RABEPK: variants seen among roughly 807,000 people sequenced by gnomAD.
RABEPK encodes the protein Rab9 effector protein with kelch motifs, also known as 40 kDa Rab9 effector protein.
Under a neutral mutation model 34.1 loss-of-function variants are expected in RABEPK, and 27 were observed. That is an observed-to-expected ratio of 0.79 (90% CI 0.58 to 1.09). RABEPK has a LOEUF of 1.09. Among genes scored for constraint, RABEPK ranks in the 50% least tolerant of loss-of-function variants. The pLI, the probability that RABEPK is intolerant of heterozygous loss-of-function variation, is 0.00. For synonymous variants in RABEPK, 172 were observed against 169.2 expected (o/e 1.02, Z -0.13); for missense variants, 449 against 462.6 (o/e 0.97, Z 0.27).
intron 5 of RABEPK, among the ~76,000 whole-genome samples, chr9:125,226,372 C>T (rs1831749485): frequency 6.7e-6 from 1 of 149,658 alleles, no homozygotes; most frequent in African/African-American, 2.4e-5. Context: ...AGACAAGTAA[C>T]TTGTCCAAAT....
In RABEPK at chr9:125,233,705, T is replaced by G. The variant is rs755407236; in HGVS notation, c.844T>G (p.Leu282Val). 1.4e-5 allele frequency: 22 copies of G among 1,613,736 alleles called. No individual in the cohort carries two copies. The highest frequency in any genetic ancestry group is 2.5e-6 in the Non-Finnish European group (3 of 1,179,834). Residue 282 changes from leucine to valine, a missense_variant, in exon 8 of 8, where the codon TTG (leucine) becomes GTG (valine). Transcript: ENST00000373538. Reference sequence around the variant, plus strand: ...CAACATAGAAGAGCAGCATTGGACCTTGCTTAAATTTGATACTCTTCTACC... The same window carrying G: ...CAACATAGAAGAGCAGCATTGGACCGTGCTTAAATTTGATACTCTTCTACC... The part of the protein sequence containing the change: ...QYHTEEQHWT[L>V]LKFDTLLPPG...
chr9:125,219,548 G>A (rs1446718059), intron 4 of RABEPK, among the ~76,000 whole-genome samples: 2 of 150,654 alleles, frequency 1.3e-5, no homozygotes, highest in African/African-American at 2.4e-5. Context: ...TCCCCACCAC[G>A]ACACCTGGCT....
At chr9:125,229,271 AAG>A (rs1401758100) in intron 6 of RABEPK, among the ~76,000 whole-genome samples, 1 of 151,002 alleles carries the variant, frequency 6.6e-6, no homozygotes, top group East Asian at 2.1e-4. Context: ...AAAAGAAAAA[AAG>A]AAAAAAAAAA....
Position 125,220,706 on chromosome 9 carries a change from G to A in RABEPK, c.526+6G>A, listed in dbSNP as rs766860211. Reference sequence around the variant, plus strand: ...GCTGCATGTGTTTGACGCAAGTATGGACTGGTGGGCACCTTGGGGCTGGTC... The same window carrying A: ...GCTGCATGTGTTTGACGCAAGTATGAACTGGTGGGCACCTTGGGGCTGGTC... On this transcript the variant is annotated splice_donor_region_variant and intron_variant, in intron 5 of 7. Coordinates refer to ENST00000373538, the MANE Select transcript of RABEPK (RefSeq NM_005833.4). 6 of 1,613,554 alleles carry A rather than the reference G, an allele frequency of 3.7e-6. No individual in the cohort carries two copies. The highest frequency in any genetic ancestry group is 4.2e-6 in the Non-Finnish European group (5 of 1,179,672).
At chr9:125,212,468 C>T (rs1435640188) in intron 3 of RABEPK, among the ~76,000 whole-genome samples, 1 of 152,064 alleles carries the variant, frequency 6.6e-6, no homozygotes, top group African/African-American at 2.4e-5. Context: ...ATCCGCCCAC[C>T]TCGGCCTCCC....
chr9:125,220,790 CCTGA>C (rs1299486821), intron 5 of RABEPK, 90 bp downstream of exon 5: 16 of 1,409,766 alleles, frequency 1.1e-5, no homozygotes, highest in African/African-American at 8.7e-5. Flanking sequence ...AAAAGGAAAG[CCTGA>C]CTAAGTGTCT....
chr9:125,202,565 C>T (rs1248967845), intron 1 of RABEPK, among the ~76,000 whole-genome samples: 2 of 151,832 alleles, frequency 1.3e-5, no homozygotes, highest in Non-Finnish European at 2.9e-5. Context: ...CACGGTGGCT[C>T]ACACCTGTAA....
intron 4 of RABEPK, among the ~76,000 whole-genome samples, chr9:125,215,637 T>C (rs1039952936): frequency 3.3e-5 from 5 of 152,060 alleles, no homozygotes; most frequent in Non-Finnish European, 5.9e-5. Context: ...GGCTGTATCA[T>C]ACTCCATTAT....
At position 125,232,675 on chromosome 9, in the gene RABEPK, A is replaced by G; in HGVS notation, c.756A>G (p.Gly252=). The change falls in exon 7 of 8, where the codon GGA becomes GGG. Residue 252 remains glycine (G), a synonymous_variant. Coordinates refer to ENST00000373538, the MANE Select transcript of RABEPK (RefSeq NM_005833.4). The stretch of plus-strand genomic sequence containing the variant: ...CTGCCCACTCAGCTGTGGCCATGGG[A>G]AAACATGTGTACATCTTTGGTGGAA... ...GCAAHSAVAM[G]KHVYIFGGMT... The G allele has an allele frequency of 6.2e-7, 1 of 1,614,130 alleles. No individual in the cohort carries two copies.
At chr9:125,221,259 C>T (rs188478788) in intron 5 of RABEPK, 2 of 151,984 alleles carry the variant, frequency 1.3e-5, no homozygotes, top group Admixed American at 6.6e-5. Flanking sequence ...CACTTTGTGA[C>T]GCCCAGGTGG....
At chr9:125,209,384 C>T (rs1352690571) in intron 3 of RABEPK, among the ~76,000 whole-genome samples, 1 of 150,928 alleles carries the variant, frequency 6.6e-6, no homozygotes, top group African/African-American at 2.4e-5. Flanking sequence ...GCGTGTCGCT[C>T]TGTCACCCAG....
Position 125,207,679 on chromosome 9 carries a change from A to G in RABEPK, c.169A>G (p.Asn57Asp), listed in dbSNP as rs749812511. ...GAAGGTCTTCATTGTTGGGGGAGCA[A>G]ATCCAAACAGAAGCTTCTCAGACGT... ...RGKVFIVGGA[N>D]PNRSFSDVHT... Residue 57 changes from asparagine (N) to aspartate (D), a missense_variant, in exon 3 of 8, where the codon AAT becomes GAT. Asn to Asp is a conservative substitution (Grantham distance 23). Coordinates refer to ENST00000373538, the MANE Select transcript of RABEPK (RefSeq NM_005833.4). The G allele has an allele frequency of 8.1e-6, 13 of 1,614,030 alleles. No individual in the cohort carries two copies. The highest frequency in any genetic ancestry group is 1.0e-5 in the Non-Finnish European group (12 of 1,180,014).
chr9:125,215,563 C>T (rs1471993975), intron 4 of RABEPK, among the ~76,000 whole-genome samples: 4 of 152,042 alleles, frequency 2.6e-5, no homozygotes, highest in Non-Finnish European at 4.4e-5. Context: ...TTTCCTGCCT[C>T]GGCCTCCTGA....
Position 125,220,639 on chromosome 9 carries a change from T to G in RABEPK, c.465T>G (p.Phe155Leu). 1 of 1,614,152 alleles carries G rather than the reference T, an allele frequency of 6.2e-7. No individual in the cohort carries two copies. Among genetic ancestry groups the G allele is most frequent in the East Asian group, 2.2e-5 (1 of 44,876 alleles). The part of the protein sequence containing the change: ...SAAIGNQLYV[F>L]GGGERGAQPV... ...CCATTGGAAACCAGCTATATGTCTT[T>G]GGGGGCGGAGAGAGAGGTGCCCAGC... Residue 155 changes from phenylalanine (F) to leucine (L), a missense_variant, in exon 5 of 8, where the codon TTT (phenylalanine) becomes TTG (leucine). Coordinates refer to ENST00000373538, the MANE Select transcript of RABEPK (RefSeq NM_005833.4).
chr9:125,225,416 G>C (rs891012091), intron 5 of RABEPK, among the ~76,000 whole-genome samples: 2 of 151,924 alleles, frequency 1.3e-5, no homozygotes, highest in Admixed American at 6.6e-5. Context: ...GGATGCAGTG[G>C]CTCATGCCTG....
chr9:125,200,570 C>A lies in RABEPK; in HGVS notation c.-343C>A. On this transcript the variant is annotated 5_prime_UTR_variant, in exon 1 of 8. Transcript: ENST00000373538. ...GTCACGGCTCGCGACTGGCCTAAGT[C>A]GCCGCAGGTATTGCAGTCCGGGGCT... The A allele has an allele frequency of 4.9e-6, 2 of 405,902 alleles. No individual in the cohort carries two copies. The highest frequency in any genetic ancestry group is 1.5e-4 in the East Asian group (2 of 13,744). The allele number at this position is 405,902 out of a possible 1,614,324, so 25.1% of individuals were successfully genotyped here.
intron 2 of RABEPK, among the ~76,000 whole-genome samples, chr9:125,206,031 A>G (rs1369088812): frequency 6.6e-6 from 1 of 152,182 alleles, no homozygotes; most frequent in Non-Finnish European, 1.5e-5. Context: ...AAGTGAGTGC[A>G]GAACCAAAGG....
chr9:125,218,147 TAA>T (rs5900646), intron 4 of RABEPK, among the ~76,000 whole-genome samples: 439 of 142,228 alleles, frequency 3.1e-3, no homozygotes, highest in African/African-American at 5.7e-3. Flanking sequence ...CCGTCTCTAC[TAA>T]AAAAAAAAAA....
chr9:125,205,788 C>T (rs1472110373), intron 2 of RABEPK, among the ~76,000 whole-genome samples: 1 of 152,036 alleles, frequency 6.6e-6, no homozygotes, highest in African/African-American at 2.4e-5. Context: ...GCGCCCGGCC[C>T]TCAAAGGGGT....
Sources: allele counts gnomAD v4.1 joint callset (sites outside exome capture counted in the v4.1 genomes callset), GRCh38; gene constraint gnomAD v4.1.1; transcripts MANE v1.5; gene names NCBI Gene and HGNC (gene_info 2026-07-23, HGNC 2026-07-21).